Variants in SELENOT observed in about 807,000 individuals in gnomAD.
SELENOT encodes thioredoxin reductase-like selenoprotein T.
In SELENOT, 9 loss-of-function variants were observed where a neutral mutation model predicts 24.3. The observed-to-expected ratio is 0.37, with a 90% confidence interval of 0.22 to 0.65. The LOEUF is 0.65. Among genes scored for constraint, SELENOT ranks in the 30% least tolerant of loss-of-function variants. The pLI, the probability that SELENOT is intolerant of heterozygous loss-of-function variation, is 0.60. For synonymous variants in SELENOT, 81 were observed against 86.0 expected, an observed-to-expected ratio of 0.94 and a Z score of 0.32; for missense variants, 166 against 247.6, an observed-to-expected ratio of 0.67 and a Z score of 2.21.
chr3:150,626,207 T>C (rs1381083473), intron 4 of SELENOT, among the ~76,000 whole-genome samples: 1 of 152,168 alleles, frequency 6.6e-6, no homozygotes, highest in Non-Finnish European at 1.5e-5. Flanking sequence ...AAATTTTATC[T>C]TGCTGCTTGA....
intron 5 of SELENOT, 64 bp downstream of exon 5, chr3:150,627,227 G>C: frequency 4.9e-6 from 6 of 1,215,502 alleles, no homozygotes; most frequent in Non-Finnish European, 6.9e-6. Context: ...CAGCAAGTTA[G>C]TAAATATTAC....
At chr3:150,608,749 T>C (rs1726024637) in intron 1 of SELENOT, among the ~76,000 whole-genome samples, 1 of 152,230 alleles carries the variant, frequency 6.6e-6, no homozygotes, top group Non-Finnish European at 1.5e-5. Context: ...CTGCAGCATG[T>C]AATTGAACTC....
chr3:150,615,022 C>G (rs1163027909), intron 1 of SELENOT, among the ~76,000 whole-genome samples: 4 of 123,470 alleles, frequency 3.2e-5, no homozygotes, highest in South Asian at 3.1e-4. Flanking sequence ...CCCCTCCCCC[C>G]ACCCCACAAT....
chr3:150,623,121 C>G lies in SELENOT; in HGVS notation c.327C>G (p.Phe109Leu), dbSNP rs764288924. ...LIIVGKDPFA[F>L]FGMQAPSIWQ... ...TTGTTGGCAAGGATCCTTTTGCTTT[C>G]TTTGGCATGCAAGCTCCTAGCATCT... Residue 109 changes from phenylalanine (F) to leucine (L), a missense_variant, in exon 3 of 6, where the codon TTC (phenylalanine) becomes TTG (leucine). This residue lies in a region of SELENOT where 71 missense variants were observed against 89.2 expected (regional missense o/e 0.80). Coordinates refer to ENST00000471696, the MANE Select transcript of SELENOT (RefSeq NM_016275.5). 2 of 1,606,010 alleles carry G rather than the reference C, an allele frequency of 1.2e-6. No individual in the cohort carries two copies. Among genetic ancestry groups the G allele is most frequent in the Non-Finnish European group, 1.7e-6 (2 of 1,176,466 alleles).
intron 1 of SELENOT, among the ~76,000 whole-genome samples, chr3:150,615,716 A>G: frequency 6.6e-6 from 1 of 152,206 alleles, no homozygotes; most frequent in Non-Finnish European, 1.5e-5. Flanking sequence ...AAACAAATGG[A>G]AGAACATTCC....
In SELENOT at chr3:150,622,502, A is replaced by C. The variant is rs1404972820; in HGVS notation, c.248+7A>C. 22 of 1,318,328 alleles carry C rather than the reference A, an allele frequency of 1.7e-5. No individual in the cohort carries two copies. In the Middle Eastern group the frequency reaches 8.2e-4, roughly 49 times the overall value. 81.7% of individuals were successfully genotyped at this position (1,318,328 alleles called of 1,614,324 possible). On this transcript the variant is annotated splice_region_variant and intron_variant, in intron 2 of 5. Transcript: ENST00000471696. Reference sequence around the variant, plus strand: ...TCCCTCAACCAATATATAGGTAAGAAATTTTAATAACTTAAAAGGAAAACA... The same window carrying C: ...TCCCTCAACCAATATATAGGTAAGACATTTTAATAACTTAAAAGGAAAACA...
rs756649160 is a variant in SELENOT, at chr3:150,603,452, A to T, written c.90A>T (p.Arg30Ser). Reference sequence around the variant, plus strand: ...ATCTGGGCGGCGTGCCCAGCAAGAGATTAAAGATGCAGTACGCCACGGGGC... The same window carrying T: ...ATCTGGGCGGCGTGCCCAGCAAGAGTTTAAAGATGCAGTACGCCACGGGGC... ...SANLGGVPSKRLKMQYATGPL... is the reference protein window; with the variant it reads ...SANLGGVPSKSLKMQYATGPL... Residue 30 changes from arginine (R) to serine (S), a missense_variant, in exon 1 of 6, where the codon AGA becomes AGT. Coordinates refer to ENST00000471696, the MANE Select transcript of SELENOT (RefSeq NM_016275.5). 1.2e-6 allele frequency: 2 copies of T among 1,612,860 alleles called. No homozygotes were observed. Among genetic ancestry groups the T allele is most frequent in the Non-Finnish European group, 1.7e-6 (2 of 1,179,210 alleles).
At chr3:150,611,004 C>CGTGTGTGTGT (rs113532087) in intron 1 of SELENOT, among the ~76,000 whole-genome samples, 11,767 of 145,384 alleles carry the variant, frequency 0.081, 621 homozygotes, top group East Asian at 0.23. Flanking sequence ...CATCATGAGT[C>CGTGTGTGTGT]GTGTGTGTGT....
At chr3:150,614,134 A>G (rs1726159948) in intron 1 of SELENOT, among the ~76,000 whole-genome samples, 1 of 152,246 alleles carries the variant, frequency 6.6e-6, no homozygotes, top group Non-Finnish European at 1.5e-5. Context: ...TATAATAAAC[A>G]TTATAAAATG....
rs1411028431 is a variant in SELENOT at position 150,628,067 on chromosome 3, G to C, written c.*438G>C. 2.6e-5 allele frequency: 4 copies of C among 151,794 alleles called. No individual in the cohort carries two copies. The highest frequency in any genetic ancestry group is 1.3e-4 in the Admixed American group (2 of 15,244). The allele number at this position is 151,794 out of a possible 1,614,324, so 9.4% of individuals were successfully genotyped here. A position where few individuals can be genotyped will look rare whatever the true frequency, so the allele number is the denominator to read the frequency against. ...TTTATAGTTTAAAATTGATCCTTTGGGAATCCAGTTGAAGTTCCCAAATAC... is the reference window on the plus strand; with the variant it reads ...TTTATAGTTTAAAATTGATCCTTTGCGAATCCAGTTGAAGTTCCCAAATAC... On this transcript the variant is annotated 3_prime_UTR_variant, in exon 6 of 6. Transcript: ENST00000471696.
intron 1 of SELENOT, among the ~76,000 whole-genome samples, chr3:150,610,718 A>G (rs751707550): frequency 6.6e-6 from 1 of 152,198 alleles, no homozygotes; most frequent in Non-Finnish European, 1.5e-5. Flanking sequence ...AGGAAAAGAG[A>G]CTAAAAAATG....
intron 1 of SELENOT, among the ~76,000 whole-genome samples, chr3:150,609,326 C>T (rs1379904839): frequency 6.6e-6 from 1 of 152,090 alleles, no homozygotes; most frequent in African/African-American, 2.4e-5. Flanking sequence ...AACTGACACA[C>T]CCTTGCTACT....
chr3:150,604,609 TACTC>T lies in SELENOT; in HGVS notation c.137+1114_137+1117del, dbSNP rs575222313. 1.2e-3 allele frequency among the ~76,000 whole-genome samples: 189 copies of T among 152,356 alleles called. 1 individual carries two copies. Among genetic ancestry groups the T allele is most frequent in the African/African-American group, 4.4e-3 (182 of 41,586 alleles). ...CTACTTCTCCAACTAGCTTTTTACTTACTCACTGAAGACCAAGCAAACCTTTAAA... is the reference window on the plus strand; with the variant it reads ...CTACTTCTCCAACTAGCTTTTTACTTACTGAAGACCAAGCAAACCTTTAAA... On this transcript the variant is annotated intron_variant, in intron 1 of 5. Transcript: ENST00000471696.
At chr3:150,626,773 G>A (rs1199074313) in intron 4 of SELENOT, 2 of 455,860 alleles carry the variant, frequency 4.4e-6, no homozygotes, top group Non-Finnish European at 7.8e-6. Flanking sequence ...GTCCCTCCTA[G>A]TACAGTAGTG....
chr3:150,626,902 T>A, intron 4 of SELENOT, 108 bp from the exon 5 acceptor site: 2 of 1,154,648 alleles, frequency 1.7e-6, no homozygotes, highest in Non-Finnish European at 2.4e-6. Context: ...CTTTTTTGCC[T>A]ACTTTTGTAT....
chr3:150,611,699 A>T (rs1381701560), intron 1 of SELENOT: 9 of 1,598,154 alleles, frequency 5.6e-6, no homozygotes, highest in Non-Finnish European at 7.7e-6. Context: ...CGCACCGCTC[A>T]CCATCCTCCG....
intron 1 of SELENOT, among the ~76,000 whole-genome samples, chr3:150,614,304 TAGA>T (rs1726165543): frequency 6.6e-6 from 1 of 152,138 alleles, no homozygotes. Flanking sequence ...TAGTAATTCT[TAGA>T]AGCTACAGAT....
chr3:150,606,789 C>T (rs1202291626), intron 1 of SELENOT, among the ~76,000 whole-genome samples: 1 of 152,126 alleles, frequency 6.6e-6, no homozygotes, highest in Non-Finnish European at 1.5e-5. Flanking sequence ...GACGGGGTTT[C>T]ACCATGTTGG....
At chr3:150,613,218 G>A (rs976019102) in intron 1 of SELENOT, among the ~76,000 whole-genome samples, 1 of 152,190 alleles carries the variant, frequency 6.6e-6, no homozygotes, top group Non-Finnish European at 1.5e-5. Flanking sequence ...TTCTTGCTGA[G>A]TCAGCTCATG....
Sources: allele counts gnomAD v4.1 joint callset (sites outside exome capture counted in the v4.1 genomes callset), GRCh38; gene constraint gnomAD v4.1.1; regional missense constraint gnomAD v4.1.1; transcripts MANE v1.5; gene names NCBI Gene and HGNC (gene_info 2026-07-23, HGNC 2026-07-21).